Variants in C11orf65 observed in about 807,000 individuals in gnomAD.
C11orf65 encodes the protein chromosome 11 open reading frame 65, also known as protein MFI.
C11orf65 carries 38 observed loss-of-function variants against 35.3 expected under a neutral mutation model. That is an observed-to-expected ratio of 1.08 (90% CI 0.83 to 1.41). The LOEUF is 1.41. Ranked by LOEUF, C11orf65 falls within the 40% of genes most tolerant of loss-of-function variation. C11orf65 has a pLI of 0.00. For synonymous variants in C11orf65, 105 were observed against 114.4 expected, an observed-to-expected ratio of 0.92 and a Z score of 0.53; for missense variants, 370 against 367.1, an observed-to-expected ratio of 1.01 and a Z score of -0.06.
At chr11:108,330,524 T>G, downstream of C11orf65, 1 of 1,157,450 alleles carries the variant, frequency 8.6e-7, no homozygotes, top group South Asian at 1.2e-5. Flanking sequence ...TCCTAGCACT[T>G]GGTCCAGTGC....
intron 2 of C11orf65, among the ~76,000 whole-genome samples, chr11:108,444,086 G>C (rs1426994048): frequency 1.3e-5 from 2 of 151,992 alleles, no homozygotes; most frequent in African/African-American, 4.8e-5. Context: ...GACTAATAAA[G>C]AAGAAAAGAG....
At chr11:108,427,752 C>T (rs1297681994) in intron 3 of C11orf65, among the ~76,000 whole-genome samples, 1 of 137,254 alleles carries the variant, frequency 7.3e-6, no homozygotes, top group Non-Finnish European at 1.5e-5. Context: ...AAAAGCTCAT[C>T]ATTACTGGTC....
chr11:108,339,938 T>G (rs1288863639), intron 2 of C11orf65, among the ~76,000 whole-genome samples: 3 of 152,230 alleles, frequency 2.0e-5, no homozygotes, highest in Non-Finnish European at 4.4e-5. Flanking sequence ...ATCATTCATT[T>G]GTTTATTCAA....
downstream of C11orf65, among the ~76,000 whole-genome samples, chr11:108,330,054 G>C (rs964918223): frequency 2.6e-5 from 4 of 152,202 alleles, no homozygotes; most frequent in Admixed American, 6.5e-5. Flanking sequence ...GCACAGTTAA[G>C]ACAAAAGTAA....
chr11:108,331,247 C>G, downstream of C11orf65: 1 of 1,284,376 alleles, frequency 7.8e-7, no homozygotes. Context: ...TTTGATTTAC[C>G]AATGCATTAA....
chr11:108,327,169 C>T (rs1404539674), downstream of C11orf65, among the ~76,000 whole-genome samples: 1 of 152,152 alleles, frequency 6.6e-6, no homozygotes, highest in East Asian at 1.9e-4. Context: ...TGTATAGCAT[C>T]TTCTGTTATT....
At chr11:108,362,329 G>A (rs1233487352) in intron 2 of C11orf65, among the ~76,000 whole-genome samples, 1 of 151,384 alleles carries the variant, frequency 6.6e-6, no homozygotes, top group Non-Finnish European at 1.5e-5. Flanking sequence ...GGAGAAATAG[G>A]AACCCTTTTA....
chr11:108,468,657 A>G (rs1192427387), upstream of C11orf65, among the ~76,000 whole-genome samples: 2 of 152,190 alleles, frequency 1.3e-5, no homozygotes, highest in Non-Finnish European at 2.9e-5. Context: ...TAAAATCATC[A>G]CAATCATAAG....
intron 6 of C11orf65, chr11:108,320,138 A>C: frequency 9.0e-6 from 10 of 1,117,028 alleles, no homozygotes; most frequent in Non-Finnish European, 1.4e-5. Context: ...AAACAATTTT[A>C]ATGTAAGGAT....
At chr11:108,381,948 CT>C (rs2091874436), downstream of C11orf65, among the ~76,000 whole-genome samples, 1 of 152,116 alleles carries the variant, frequency 6.6e-6, no homozygotes, top group Non-Finnish European at 1.5e-5. Context: ...CTCTCTCTCT[CT>C]CTCTCTCAGG....
intron 7 of C11orf65, among the ~76,000 whole-genome samples, chr11:108,387,344 A>C (rs756271996): frequency 6.6e-6 from 1 of 151,346 alleles, no homozygotes; most frequent in Non-Finnish European, 1.5e-5. Flanking sequence ...TAGTACAGAC[A>C]GGGTTTCACC....
At chr11:108,317,560 T>C (rs2136172954) in intron 6 of C11orf65, 2 of 1,559,790 alleles carry the variant, frequency 1.3e-6, no homozygotes, top group Non-Finnish European at 8.7e-7. Context: ...TTTGCCTCTC[T>C]CCTCATTCTA....
intron 7 of C11orf65, among the ~76,000 whole-genome samples, chr11:108,392,253 C>T (rs1344970372): frequency 3.3e-5 from 5 of 151,782 alleles, no homozygotes; most frequent in African/African-American, 1.2e-4. Context: ...CGCTATGTTG[C>T]CCAGACTAGT....
chr11:108,397,314 T>C (rs1311099473), intron 6 of C11orf65, among the ~76,000 whole-genome samples: 1 of 147,098 alleles, frequency 6.8e-6, no homozygotes, highest in East Asian at 1.9e-4. Context: ...GCAAGACTCT[T>C]TCTCAAAAAA....
At chr11:108,381,017 GA>G (rs1391110081), downstream of C11orf65, among the ~76,000 whole-genome samples, 2 of 152,144 alleles carry the variant, frequency 1.3e-5, no homozygotes, top group African/African-American at 4.8e-5. Flanking sequence ...ACACAATCCA[GA>G]AACTATTAGA....
At chr11:108,329,230 G>A (rs1057520451), downstream of C11orf65, 6 of 1,612,254 alleles carry the variant, frequency 3.7e-6, no homozygotes, top group Admixed American at 1.7e-5. Context: ...ATAAAATTCA[G>A]ACAAACAGGT....
chr11:108,375,960 A>C (rs2091711392), intron 2 of C11orf65, among the ~76,000 whole-genome samples: 1 of 152,234 alleles, frequency 6.6e-6, no homozygotes, highest in Non-Finnish European at 1.5e-5. Flanking sequence ...TATGCAACCA[A>C]TACAGGAGCA....
At chr11:108,419,592 C>A (rs1284048094) in intron 3 of C11orf65, among the ~76,000 whole-genome samples, 1 of 152,162 alleles carries the variant, frequency 6.6e-6, no homozygotes, top group Non-Finnish European at 1.5e-5. Context: ...GTCCCAGCTA[C>A]TTGGGAGGCT....
At chr11:108,462,075 TCTCTGTTGCCTTGGCTAGAA>T (rs2093479822) in intron 1 of C11orf65, among the ~76,000 whole-genome samples, 1 of 152,192 alleles carries the variant, frequency 6.6e-6, no homozygotes. Context: ...ACAGAGTCTT[TCTCTGTTGCCTTGGCTAGAA>T]TGCCATGGCA....
Sources: allele counts gnomAD v4.1 joint callset (sites outside exome capture counted in the v4.1 genomes callset), GRCh38; gene constraint gnomAD v4.1.1; transcripts MANE v1.5; gene names NCBI Gene and HGNC (gene_info 2026-07-23, HGNC 2026-07-21).